GALNS: variants seen among roughly 807,000 people sequenced by gnomAD.
GALNS encodes the protein galactosamine (N-acetyl)-6-sulfatase.
GALNS carries 65 observed loss-of-function variants against 65.9 expected under a neutral mutation model. The observed-to-expected ratio is 0.99, with a 90% CI of 0.81 to 1.21. The LOEUF is 1.21. Among genes scored for constraint, GALNS ranks in the 50% most tolerant of loss-of-function variants. The pLI, the probability that GALNS is intolerant of heterozygous loss-of-function variation, is 0.00. For synonymous variants in GALNS, 346 were observed against 288.9 expected (o/e 1.20, Z -2.00); for missense variants, 776 against 700.7 (o/e 1.11, Z -1.21).
At chr16:88,817,110 C>A in intron 13 of GALNS, 1 of 985,476 alleles carries the variant, frequency 1.0e-6, no homozygotes, top group South Asian at 4.7e-5. Flanking sequence ...ATCAGCTGTG[C>A]TGGGAAACAG....
chr16:88,831,287 G>A (rs568672702), intron 9 of GALNS, among the ~76,000 whole-genome samples: 29 of 93,258 alleles, frequency 3.1e-4, no homozygotes, highest in Non-Finnish European at 5.2e-4. Flanking sequence ...GGAGGAGAGC[G>A]GTGAGGCCGA....
intron 1 of GALNS, chr16:88,845,146 G>A (rs1161184262): frequency 6.6e-6 from 1 of 152,008 alleles, no homozygotes; most frequent in African/African-American, 2.4e-5. Context: ...AGGAGATCGA[G>A]ACCATCCTGG....
chr16:88,855,018 C>A, intron 1 of GALNS: 1 of 355,004 alleles, frequency 2.8e-6, no homozygotes, highest in South Asian at 2.2e-5. Context: ...CACCCCACCC[C>A]TCCACCCTGC....
intron 8 of GALNS, among the ~76,000 whole-genome samples, chr16:88,834,716 G>T (rs113797435): frequency 0.05 from 7,459 of 150,660 alleles, 253 homozygotes; most frequent in Middle Eastern, 0.16. Context: ...AGTGCCGAGC[G>T]GGGGAAAGGC....
chr16:88,832,649 C>T (rs2057728168), intron 8 of GALNS, among the ~76,000 whole-genome samples: 1 of 152,192 alleles, frequency 6.6e-6, no homozygotes, highest in Non-Finnish European at 1.5e-5. Context: ...CTGGCTCACT[C>T]CCAGACATGG....
Position 88,826,032 on chromosome 16 carries a change from G to A in GALNS, c.1139+670C>T, listed in dbSNP as rs190713726. 4.6e-5 allele frequency among the ~76,000 whole-genome samples: 7 copies of A among 152,260 alleles called. No individual in the cohort carries two copies. The East Asian group carries it at 7.7e-4, about 17-fold the overall frequency. On this transcript the variant is annotated intron_variant, in intron 10 of 13. Transcript: ENST00000268695. Reference sequence around the variant, plus strand: ...TGGACACTAAGGATTTGGACAGAAGGTAAGAGCTGGGCCATGGACTTGGCA... The same window carrying A: ...TGGACACTAAGGATTTGGACAGAAGATAAGAGCTGGGCCATGGACTTGGCA...
chr16:88,855,201 A>G, intron 1 of GALNS: 2 of 689,248 alleles, frequency 2.9e-6, no homozygotes, highest in Middle Eastern at 4.7e-4. Flanking sequence ...AACATAAAAA[A>G]TTATTCATGA....
chr16:88,839,312 G>A (rs1912476732), intron 4 of GALNS, among the ~76,000 whole-genome samples: 3 of 150,566 alleles, frequency 2.0e-5, no homozygotes, highest in Non-Finnish European at 4.4e-5. Context: ...TCACCGCCCG[G>A]CCACAGGGGA....
At chr16:88,829,050 C>T (rs953681791) in intron 9 of GALNS, among the ~76,000 whole-genome samples, 1 of 145,954 alleles carries the variant, frequency 6.9e-6, no homozygotes, top group Non-Finnish European at 1.5e-5. Flanking sequence ...CAACGTCTCC[C>T]AGAGCTACAC....
intron 10 of GALNS, among the ~76,000 whole-genome samples, chr16:88,826,233 C>A (rs1233875276): frequency 1.0e-5 from 1 of 95,812 alleles, no homozygotes; most frequent in Non-Finnish European, 2.0e-5. Flanking sequence ...AGGCAGGCAA[C>A]AGGGGTGGGG....
At position 88,850,293 on chromosome 16, in the gene GALNS, T is replaced by A. The variant is rs531627295; in HGVS notation, c.120+6465A>T. ...ATACTGGGTGCCATGTGCCCGACCC[T>A]CCCTGCAGGCTGCGTCCTGAGGCTT... is the stretch of plus-strand genomic sequence containing the variant. On this transcript the variant is annotated intron_variant, in intron 1 of 13. Transcript: ENST00000268695. 3.3e-5 allele frequency among the ~76,000 whole-genome samples: 5 copies of A among 152,196 alleles called. No homozygotes were observed. The East Asian group carries it at 9.7e-4, about 29-fold the overall frequency.
Position 88,842,725 on chromosome 16 carries a change from G to A in GALNS, c.225C>T (p.Ala75=). 6.2e-7 allele frequency: 1 copy of A among 1,612,920 alleles called. No homozygotes were observed. Among genetic ancestry groups the A allele is most frequent in the Non-Finnish European group, 8.5e-7 (1 of 1,179,762 alleles). Residue 75 remains alanine (A), a synonymous_variant, in exon 2 of 14, where the codon GCC becomes GCT. Transcript: ENST00000268695. ...ACTTACATGGCGAGCACAGAGGGTT[G>A]GCAGAATAGAAGTTTGGGAAAAGCA... The part of the protein sequence containing the change: ...EGLLFPNFYS[A]NPLCSPSRAA...
At chr16:88,856,712 T>C (rs534472993) in intron 1 of GALNS, 46 bp downstream of exon 1, 7 of 428,166 alleles carry the variant, frequency 1.6e-5, no homozygotes, top group Admixed American at 3.6e-5. Context: ...GCCCCTCCCC[T>C]CCCCGCCCCA....
chr16:88,838,383 G>A (rs1004807960), intron 4 of GALNS, among the ~76,000 whole-genome samples: 3 of 152,118 alleles, frequency 2.0e-5, no homozygotes, highest in Admixed American at 6.5e-5. Flanking sequence ...GTGACGACAA[G>A]AGAACGTGAC....
At chr16:88,834,286 G>A (rs1370335978) in intron 8 of GALNS, among the ~76,000 whole-genome samples, 2 of 151,640 alleles carry the variant, frequency 1.3e-5, no homozygotes, top group Admixed American at 6.6e-5. Flanking sequence ...GGCTGTAGGC[G>A]CCCCCCGACA....
chr16:88,831,981 G>A lies in GALNS; in HGVS notation c.1002+17C>T, dbSNP rs78494153. 1.8e-3 allele frequency: 2,858 copies of A among 1,607,368 alleles called. 56 individuals are homozygous for A. The African/African-American group carries it at 0.034, about 19-fold the overall frequency. ...GCCTGGACCTGCTGCCCGGCAGACC[G>A]GTGGACGCTGACTCACCTGGCCTGC... On this transcript the variant is annotated intron_variant, in intron 9 of 13. Transcript: ENST00000268695.
At chr16:88,836,603 G>A (rs1012250604) in intron 5 of GALNS, among the ~76,000 whole-genome samples, 4 of 151,796 alleles carry the variant, frequency 2.6e-5, no homozygotes, top group Non-Finnish European at 4.4e-5. Context: ...GCAGTGAGCC[G>A]AGATCGCGCC....
intron 12 of GALNS, among the ~76,000 whole-genome samples, chr16:88,821,570 C>T (rs1910221444): frequency 6.6e-6 from 1 of 152,168 alleles, no homozygotes; most frequent in South Asian, 2.1e-4. Context: ...CCCAAGGGAT[C>T]CCTGAGGGGC....
intron 2 of GALNS, chr16:88,842,236 G>T: frequency 1.7e-6 from 1 of 593,534 alleles, no homozygotes; most frequent in Admixed American, 2.5e-5. Context: ...CAGGCTCCTG[G>T]GACACCCACT....
Sources: gnomAD v4.1 joint callset for allele counts (sites outside exome capture counted in the v4.1 genomes callset) on GRCh38, gnomAD v4.1.1 for gene constraint, MANE v1.5 for transcripts, NCBI Gene and HGNC (gene_info 2026-07-23, HGNC 2026-07-21) for gene names.